The following PDXDC1 variants were observed in gnomAD, a reference collection of about 807,000 sequenced individuals.
PDXDC1 encodes the protein pyridoxal dependent decarboxylase domain containing 1.
PDXDC1 carries 42 observed loss-of-function variants against 100.1 expected under a neutral mutation model. The ratio of observed to expected loss-of-function variants is 0.42; its 90% CI spans 0.33 to 0.54. The LOEUF (loss-of-function observed/expected upper bound fraction) is 0.54, where lower values mean the gene tolerates loss of function less well. Ranked by LOEUF, PDXDC1 falls within the 20% of genes least tolerant of loss-of-function variation. The probability of loss-of-function intolerance (pLI) is 0.10; values close to 1 mark genes in which losing one functional copy is unlikely to be tolerated. For synonymous variants in PDXDC1, 260 were observed against 371.7 expected, an observed-to-expected ratio of 0.70 and a Z score of 3.46; for missense variants, 636 against 979.2, an observed-to-expected ratio of 0.65 and a Z score of 4.68.
intron 16 of PDXDC1, 103 bp downstream of exon 16, chr16:15,030,159 T>A: frequency 1.1e-6 from 1 of 934,354 alleles, no homozygotes. Context: ...TTAGCAGCTC[T>A]TTTTGGAGGG....
chr16:15,151,994 G>A, the PDXDC1 span, among the ~76,000 whole-genome samples: 1 of 147,428 alleles, frequency 6.8e-6, no homozygotes, highest in Non-Finnish European at 1.5e-5. Flanking sequence ...AGGGAGGGCA[G>A]GGCAGGCTCT....
intron 1 of PDXDC1, among the ~76,000 whole-genome samples, chr16:14,976,581 A>G (rs1437728019): frequency 1.3e-5 from 2 of 152,280 alleles, no homozygotes; most frequent in East Asian, 3.9e-4. Flanking sequence ...CAGGGTGTCT[A>G]CCTTTTGGTA....
intron 16 of PDXDC1, among the ~76,000 whole-genome samples, chr16:15,089,674 A>G (rs2046045038): frequency 6.9e-6 from 1 of 144,642 alleles, no homozygotes; most frequent in African/African-American, 2.6e-5. Context: ...GTGGCGGGCG[A>G]GTGTAGTCTC....
chr16:14,993,953 G>T (rs1170081584), intron 1 of PDXDC1, among the ~76,000 whole-genome samples: 1 of 152,298 alleles, frequency 6.6e-6, no homozygotes, highest in African/African-American at 2.4e-5. Context: ...TTTGAGAAGT[G>T]TCTGTTCATA....
downstream of PDXDC1, among the ~76,000 whole-genome samples, chr16:15,139,696 G>A (rs1020709020): frequency 6.6e-6 from 1 of 152,100 alleles, no homozygotes; most frequent in East Asian, 1.9e-4. Context: ...AAGAAGGATC[G>A]CTTGAGCCAG....
chr16:15,021,541 C>T (rs903918154), intron 12 of PDXDC1, among the ~76,000 whole-genome samples: 2 of 152,280 alleles, frequency 1.3e-5, no homozygotes, highest in African/African-American at 4.8e-5. Context: ...CTTGGGCACT[C>T]GGGAGATTTT....
chr16:15,136,054 C>G (rs2048334751), intron 16 of PDXDC1: 2 of 1,572,378 alleles, frequency 1.3e-6, no homozygotes, highest in Non-Finnish European at 1.7e-6. Flanking sequence ...GCTCTCCAGG[C>G]TGAAGGCCTC....
chr16:15,135,721 G>C (rs2048316967), intron 16 of PDXDC1: 1 of 1,594,946 alleles, frequency 6.3e-7, no homozygotes, highest in African/African-American at 1.3e-5. Context: ...TGGGGTCGTA[G>C]GACTCGCTCC....
At chr16:15,071,495 C>G (rs763979207) in intron 16 of PDXDC1, among the ~76,000 whole-genome samples, 1 of 152,212 alleles carries the variant, frequency 6.6e-6, no homozygotes, top group African/African-American at 2.4e-5. Context: ...GGGCCAGGCA[C>G]AGTGGCTCAC....
At chr16:14,988,428 T>C (rs1969917303) in intron 1 of PDXDC1, 2 of 1,614,120 alleles carry the variant, frequency 1.2e-6, no homozygotes, top group South Asian at 1.1e-5. Flanking sequence ...GTGCTCATCA[T>C]GGGCCAGGAT....
At chr16:15,122,070 A>T (rs1234474684) in intron 16 of PDXDC1, among the ~76,000 whole-genome samples, 2 of 151,478 alleles carry the variant, frequency 1.3e-5, no homozygotes, top group African/African-American at 2.4e-5. Context: ...AGGCTGAGGC[A>T]GGACAATTGC....
intron 16 of PDXDC1, chr16:15,104,523 A>C (rs2046707873): frequency 6.7e-7 from 1 of 1,489,598 alleles, no homozygotes; most frequent in East Asian, 2.5e-5. Context: ...CTGAGGGTGG[A>C]AGGGGAGTGA....
chr16:15,102,133 A>T (rs1425303324), intron 16 of PDXDC1, among the ~76,000 whole-genome samples: 1 of 152,020 alleles, frequency 6.6e-6, no homozygotes, highest in Non-Finnish European at 1.5e-5. Context: ...GGCATGAGCC[A>T]CTGAGCCTGG....
intron 1 of PDXDC1, among the ~76,000 whole-genome samples, chr16:14,976,601 T>A (rs556157527): frequency 6.6e-6 from 1 of 152,284 alleles, no homozygotes; most frequent in Non-Finnish European, 1.5e-5. Context: ...ACTTTGAGTT[T>A]GTCCAGATGA....
Position 15,076,015 on chromosome 16 carries a change from A to C in PDXDC1, c.1399+45959A>C, listed in dbSNP as rs548101696. On this transcript the variant is annotated intron_variant, in intron 16 of 16. Transcript: ENST00000535621. ...ATCTCCTTGGTCTCAAGCTGGGAACAAACTCTGTAGACCAATCCATGCCCC... is the reference window on the plus strand; with the variant it reads ...ATCTCCTTGGTCTCAAGCTGGGAACCAACTCTGTAGACCAATCCATGCCCC... Among the ~76,000 whole-genome samples the C allele has an allele frequency of 3.9e-5, 6 of 152,258 alleles. No individual in the cohort carries two copies. In the South Asian group the frequency reaches 1.2e-3, roughly 32 times the overall value.
intron 16 of PDXDC1, chr16:15,048,160 G>T: frequency 8.1e-7 from 1 of 1,231,588 alleles, no homozygotes; most frequent in Non-Finnish European, 1.2e-6. Context: ...AAAAACTAAA[G>T]ATGTGGAGAG....
chr16:15,089,811 A>AC lies in PDXDC1; in HGVS notation c.1400-49067dup, dbSNP rs1491479793. Reference sequence around the variant, plus strand: ...CAAAAAAAAAAAAAAAAAAAAAAAAACAGATTAAAGGATCAGGAGACAGGA... The same window carrying AC: ...CAAAAAAAAAAAAAAAAAAAAAAAAACCAGATTAAAGGATCAGGAGACAGGA... On this transcript the variant is annotated intron_variant, in intron 16 of 16. Transcript: ENST00000535621. Among the ~76,000 whole-genome samples, 705 of 132,864 alleles carry AC rather than the reference A, an allele frequency of 5.3e-3. 5 individuals carry two copies. The highest frequency in any genetic ancestry group is 8.4e-3 in the Non-Finnish European group (509 of 60,360). 87.2% of individuals were successfully genotyped at this position (132,864 alleles called of 152,430 possible).
Position 14,993,746 on chromosome 16 carries a change from T to C in PDXDC1, c.22-4007T>C, listed in dbSNP as rs1409055539. On this transcript the variant is annotated intron_variant, in intron 1 of 22. Transcript: ENST00000396410. ...GACTTCCACAATGGTTGAACTAGTT[T>C]AGAGTCCCGCCAACAGTGTAAAAGT... Among the ~76,000 whole-genome samples the C allele has an allele frequency of 2.0e-5, 3 of 152,304 alleles. No individual in the cohort carries two copies. The East Asian group carries it at 5.8e-4, about 29-fold the overall frequency.
chr16:15,008,994 T>C, intron 7 of PDXDC1, 147 bp downstream of exon 7: 1 of 857,926 alleles, frequency 1.2e-6, no homozygotes, highest in Non-Finnish European at 1.9e-6. Flanking sequence ...TATGCTTCTG[T>C]TAATATGTGA....
Sources: allele counts gnomAD v4.1 joint callset (sites outside exome capture counted in the v4.1 genomes callset), GRCh38; gene constraint gnomAD v4.1.1; transcripts MANE v1.5; gene names NCBI Gene and HGNC (gene_info 2026-07-23, HGNC 2026-07-21).